The following KIAA0408 variants were observed in gnomAD, a reference collection of about 807,000 sequenced individuals.
The protein encoded by KIAA0408 is KIAA0408, also known as uncharacterized protein KIAA0408.
KIAA0408 carries 51 observed loss-of-function variants against 60.9 expected under a neutral mutation model. The ratio of observed to expected loss-of-function variants is 0.84; its 90% CI spans 0.67 to 1.06. KIAA0408 has a LOEUF of 1.06. KIAA0408 is among the 50% of genes least tolerant of loss of function. KIAA0408 has a pLI of 0.00. For missense variants in KIAA0408, 787 were observed against 833.9 expected (o/e 0.94, Z 0.69); for synonymous variants, 304 against 282.4 (o/e 1.08, Z -0.77).
chr6:127,455,461 TGTG>T (rs1278342394), intron 1 of KIAA0408, among the ~76,000 whole-genome samples: 1 of 152,192 alleles, frequency 6.6e-6, no homozygotes, highest in Non-Finnish European at 1.5e-5. Context: ...GTCAGACTGT[TGTG>T]AACATACATA....
rs1773133482 is a variant in KIAA0408 at position 127,443,202 on chromosome 6, G to C, written c.*907C>G. 1 of 152,004 alleles carries C rather than the reference G, an allele frequency of 6.6e-6. No homozygotes were observed. Among genetic ancestry groups the C allele is most frequent in the Admixed American group, 6.6e-5 (1 of 15,262 alleles). 9.4% of individuals were successfully genotyped at this position (152,004 alleles called of 1,614,324 possible). A position where few individuals can be genotyped will look rare whatever the true frequency, so the allele number is the denominator to read the frequency against. On this transcript the variant is annotated 3_prime_UTR_variant, in exon 6 of 6. Transcript: ENST00000483725. The stretch of plus-strand genomic sequence containing the variant: ...AACTAAAAGCTTACCACAACTTAAA[G>C]AAAAACTAAAATTCAACATCATTCA...
chr6:127,453,840 A>G lies in KIAA0408; in HGVS notation c.135+7T>C, dbSNP rs1264901994. The G allele has an allele frequency of 2.3e-5, 37 of 1,610,738 alleles. No homozygotes were observed. Among genetic ancestry groups the G allele is most frequent in the Non-Finnish European group, 3.1e-5 (37 of 1,178,210 alleles). On this transcript the variant is annotated splice_region_variant and intron_variant, in intron 2 of 5. Coordinates refer to ENST00000483725, the MANE Select transcript of KIAA0408 (RefSeq NM_014702.5). ...TTACAGTATATCCAAAACAAATTAA[A>G]GTGTACCTCTTCTATTTTCTTCTGC...
Position 127,447,097 on chromosome 6 carries a change from T to C in KIAA0408, c.1222A>G (p.Ser408Gly). 1 of 1,613,942 alleles carries C rather than the reference T, an allele frequency of 6.2e-7. No homozygotes were observed. The highest frequency in any genetic ancestry group is 8.5e-7 in the Non-Finnish European group (1 of 1,179,974). ...PAKSHPDLHV[S>G]NDCSSSVAES... Reference sequence around the variant, plus strand: ...GCTACTGAGGAGCTACAGTCATTACTTACATGAAGATCAGGATGAGATTTA... The same window carrying C: ...GCTACTGAGGAGCTACAGTCATTACCTACATGAAGATCAGGATGAGATTTA... Residue 408 changes from serine to glycine, a missense_variant, in exon 5 of 6, where the codon AGT (serine) becomes GGT (glycine). Around this residue, in one of 3 missense-constraint regions of KIAA0408, gnomAD observed 640 missense variants for 681.3 expected, o/e 0.94. Coordinates refer to ENST00000483725, the MANE Select transcript of KIAA0408 (RefSeq NM_014702.5).
Position 127,446,568 on chromosome 6 carries a change from A to T in KIAA0408, c.1751T>A (p.Phe584Tyr), listed in dbSNP as rs1279480154. Residue 584 changes from phenylalanine to tyrosine, a missense_variant, in exon 5 of 6, where the codon TTC becomes TAC. Transcript: ENST00000483725. Reference protein sequence around the residue: ...TESALQNSKCFQDNWTKCNSD... With the variant: ...TESALQNSKCYQDNWTKCNSD... The stretch of plus-strand genomic sequence containing the variant: ...ATTACATTTGGTCCAATTATCCTGG[A>T]AGCACTTAGAATTTTGCAATGCAGA... 2 of 1,614,186 alleles carry T rather than the reference A, an allele frequency of 1.2e-6. No homozygotes were observed. Among genetic ancestry groups the T allele is most frequent in the East Asian group, 4.5e-5 (2 of 44,888 alleles).
In KIAA0408 at chr6:127,453,854, A is replaced by G. The variant is rs770909571; in HGVS notation, c.128T>C (p.Ile43Thr). 2.5e-6 allele frequency: 4 copies of G among 1,612,110 alleles called. No individual in the cohort carries two copies. The highest frequency in any genetic ancestry group is 3.3e-5 in the Admixed American group (2 of 59,914). ...AAACAAATTAAAGTGTACCTCTTCT[A>G]TTTTCTTCTGCATAATCTTCCATTG... ...ESQWKIMQKKIEELCREVKLW... is the reference protein window; with the variant it reads ...ESQWKIMQKKTEELCREVKLW... Residue 43 changes from isoleucine (I) to threonine (T), a missense_variant, in exon 2 of 6, where the codon ATA becomes ACA. By Grantham distance (89) the Ile-to-Thr change is moderately conservative. Around this residue, in one of 3 missense-constraint regions of KIAA0408, gnomAD observed 640 missense variants for 681.3 expected, o/e 0.94. Transcript: ENST00000483725.
rs771096055 is a variant in KIAA0408, at chr6:127,446,434, C to G, written c.1885G>C (p.Gly629Arg). The G allele has an allele frequency of 8.7e-6, 14 of 1,610,882 alleles. No individual in the cohort carries two copies. The highest frequency in any genetic ancestry group is 1.2e-5 in the Non-Finnish European group (14 of 1,177,584). The change falls in exon 5 of 6, where the codon GGA becomes CGA. Residue 629 changes from glycine (G) to arginine (R), a missense_variant. By Grantham distance (125) the Gly-to-Arg change is moderately radical (BLOSUM62 -2). Around this residue, in one of 3 missense-constraint regions of KIAA0408, gnomAD observed 133 missense variants for 119.2 expected, o/e 1.12. Transcript: ENST00000483725. ...AVWGGQEVKQGIDPKKITEES... is the reference protein window; with the variant it reads ...AVWGGQEVKQRIDPKKITEES... ...TCTGTTATCTTTTTCGGATCTATTCCTTGCTTCACTTCCTGTCCCCCCCAC... is the reference window on the plus strand; with the variant it reads ...TCTGTTATCTTTTTCGGATCTATTCGTTGCTTCACTTCCTGTCCCCCCCAC...
At position 127,446,614 on chromosome 6, in the gene KIAA0408, T is replaced by TTTTCAGCAG. The variant is rs1562369297; in HGVS notation, c.1696_1704dup (p.Leu566_Lys568dup). ...GCAGACTCTGTTGCTGTCTCATAGGTTTTCAGCAGCTTTTCCACAACACCA... is the reference window on the plus strand; with the variant it reads ...GCAGACTCTGTTGCTGTCTCATAGGTTTTCAGCAGTTTCAGCAGCTTTTCCACAACACCA... On this transcript the variant is annotated inframe_insertion, in exon 5 of 6. Transcript: ENST00000483725. The TTTTCAGCAG allele has an allele frequency of 6.2e-7, 1 of 1,614,050 alleles. No individual in the cohort carries two copies. Among genetic ancestry groups the TTTTCAGCAG allele is most frequent in the East Asian group, 2.2e-5 (1 of 44,868 alleles).
intron 1 of KIAA0408, among the ~76,000 whole-genome samples, chr6:127,454,539 A>G (rs1356131443): frequency 2.0e-5 from 3 of 152,114 alleles, no homozygotes; most frequent in African/African-American, 7.2e-5. Flanking sequence ...CCTGAAACAG[A>G]GCTGGTTTGC....
chr6:127,451,033 G>T (rs762272886), intron 2 of KIAA0408: 1 of 237,302 alleles, frequency 4.2e-6, no homozygotes, highest in Non-Finnish European at 8.5e-6. Flanking sequence ...CTGTATTAAG[G>T]TAGAATCCAG....
chr6:127,444,295 T>A lies in KIAA0408; in HGVS notation c.1912-13A>T, dbSNP rs759483436. ...CTGACATGGATTCCTAGGACACAAG[T>A]AAAAACATTCCTCTCACTCTCTGGG... On this transcript the variant is annotated splice_polypyrimidine_tract_variant and intron_variant, in intron 5 of 5. Coordinates refer to ENST00000483725, the MANE Select transcript of KIAA0408 (RefSeq NM_014702.5). 1.3e-6 allele frequency: 2 copies of A among 1,554,956 alleles called. No homozygotes were observed. The highest frequency in any genetic ancestry group is 1.2e-5 in the South Asian group (1 of 80,774).
intron 1 of KIAA0408, among the ~76,000 whole-genome samples, chr6:127,456,081 G>T (rs1773387619): frequency 6.6e-6 from 1 of 152,156 alleles, no homozygotes; most frequent in Admixed American, 6.6e-5. Context: ...TAACTGTGTG[G>T]TGAAACTACC....
intron 5 of KIAA0408, among the ~76,000 whole-genome samples, chr6:127,444,621 G>A (rs1342402255): frequency 3.3e-5 from 5 of 152,012 alleles, no homozygotes; most frequent in Admixed American, 6.6e-5. Context: ...TTCTTAGTGC[G>A]CTGTTAGTAT....
rs774400628 is a variant in KIAA0408, at chr6:127,447,068, C to T, written c.1251G>A (p.Glu417=). ...VSNDCSSSVA[E]SSSPLRNFSC... ...TGAAATTTCTAAGTGGGCTACTGCT[C>T]TCTGCTACTGAGGAGCTACAGTCAT... Residue 417 remains glutamate (E), a synonymous_variant, in exon 5 of 6, where the codon GAG becomes GAA. Transcript: ENST00000483725. The T allele has an allele frequency of 6.2e-7, 1 of 1,613,732 alleles. No homozygotes were observed.
chr6:127,446,930 G>A lies in KIAA0408; in HGVS notation c.1389C>T (p.His463=), dbSNP rs1303442411. 7 of 1,614,116 alleles carry A rather than the reference G, an allele frequency of 4.3e-6. No individual in the cohort carries two copies. Among genetic ancestry groups the A allele is most frequent in the South Asian group, 2.2e-5 (2 of 91,078 alleles). ...DRNCQAIQQN[H]SCSKSSEDLK... is the part of the protein sequence containing the mutation. ...GATCCTCCGATGATTTTGAGCAGCT[G>A]TGATTTTGCTGTATTGCCTGACAAT... Residue 463 remains histidine (H), a synonymous_variant, in exon 5 of 6, where the codon CAC becomes CAT. Transcript: ENST00000483725.
chr6:127,451,129 A>C (rs534804093), intron 2 of KIAA0408: 327 of 342,250 alleles, frequency 9.6e-4, no homozygotes, highest in Non-Finnish European at 1.7e-3. Flanking sequence ...CTTTCTCTTT[A>C]GGCTTGGGTC....
chr6:127,446,226 T>G (rs941165372), intron 5 of KIAA0408, among the ~76,000 whole-genome samples, 182 bp downstream of exon 5: 2 of 152,214 alleles, frequency 1.3e-5, no homozygotes, highest in Non-Finnish European at 1.5e-5. Context: ...CTATTCTCAG[T>G]GTTAAAAACT....
rs199642157 is a variant in KIAA0408 at position 127,446,876 on chromosome 6, G to T, written c.1443C>A (p.His481Gln). The T allele has an allele frequency of 2.5e-4, 406 of 1,613,986 alleles. 1 individual carries two copies. The highest frequency in any genetic ancestry group is 6.0e-4 in the South Asian group (55 of 91,058). Reference sequence around the variant, plus strand: ...CGTTACTTTGTGATATGCTACCTGTGTGAGTAGATGAGGTATCACAGGGCT... The same window carrying T: ...CGTTACTTTGTGATATGCTACCTGTTTGAGTAGATGAGGTATCACAGGGCT... ...DLKPCDTSSTHTGSISQSNDV... is the reference protein window; with the variant it reads ...DLKPCDTSSTQTGSISQSNDV... Residue 481 changes from histidine to glutamine, a missense_variant, in exon 5 of 6, where the codon CAC (histidine) becomes CAA (glutamine). His to Gln is a conservative substitution (Grantham distance 24). Coordinates refer to ENST00000483725, the MANE Select transcript of KIAA0408 (RefSeq NM_014702.5).
intron 1 of KIAA0408, among the ~76,000 whole-genome samples, chr6:127,455,292 C>T (rs886736405): frequency 3.9e-5 from 6 of 152,200 alleles, no homozygotes; most frequent in African/African-American, 1.4e-4. Context: ...ATGCTAATTA[C>T]GGACAAAGAT....
chr6:127,456,411 T>C (rs1773393676), intron 1 of KIAA0408, among the ~76,000 whole-genome samples: 1 of 152,176 alleles, frequency 6.6e-6, no homozygotes, highest in African/African-American at 2.4e-5. Flanking sequence ...CTTTTTAACC[T>C]ACCGGAAGAT....
Sources: allele counts gnomAD v4.1 joint callset (sites outside exome capture counted in the v4.1 genomes callset), GRCh38; gene constraint gnomAD v4.1.1; regional missense constraint gnomAD v4.1.1; transcripts MANE v1.5; gene names NCBI Gene and HGNC (gene_info 2026-07-23, HGNC 2026-07-21).